TNR: variants seen among roughly 807,000 people sequenced by gnomAD.
TNR encodes the protein tenascin R.
Under a neutral mutation model 150.4 loss-of-function variants are expected in TNR, and 45 were observed. The observed-to-expected ratio is 0.30, with a 90% CI of 0.24 to 0.38. The LOEUF is 0.38. Ranked by LOEUF, TNR falls within the 10% of genes least tolerant of loss-of-function variation. The probability of loss-of-function intolerance (pLI) is 1.00; values close to 1 mark genes in which losing one functional copy is unlikely to be tolerated. For missense variants in TNR, 1,544 were observed against 1,759.1 expected (o/e 0.88, Z 2.19); for synonymous variants, 687 against 678.4 (o/e 1.01, Z -0.20).
intron 1 of TNR, among the ~76,000 whole-genome samples, chr1:175,574,502 C>T (rs1662022933): frequency 6.6e-6 from 1 of 152,204 alleles, no homozygotes; most frequent in African/African-American, 2.4e-5. Flanking sequence ...AAACATGACA[C>T]TGATTAACTG....
intron 2 of TNR, among the ~76,000 whole-genome samples, chr1:175,436,467 T>G (rs1655515440): frequency 6.6e-6 from 1 of 152,182 alleles, no homozygotes; most frequent in Non-Finnish European, 1.5e-5. Context: ...TGTAGTTCTC[T>G]TGCCTTGGTT....
chr1:175,322,052 A>T lies in TNR; in HGVS notation c.*1305T>A, dbSNP rs1375477491. ...AAAAAAAGAATCTGTGACAAATAGG[A>T]CCAGAAATGGAGAAAACAGGGCTAG... On this transcript the variant is annotated 3_prime_UTR_variant, in exon 23 of 23. Transcript: ENST00000367674. 6.6e-6 allele frequency: 1 copy of T among 152,234 alleles called. No individual in the cohort carries two copies. Among genetic ancestry groups the T allele is most frequent in the African/African-American group, 2.4e-5 (1 of 41,456 alleles). 9.4% of individuals were successfully genotyped at this position (152,234 alleles called of 1,614,324 possible).
At chr1:175,346,186 T>C (rs1473372356) in intron 18 of TNR, among the ~76,000 whole-genome samples, 1 of 152,138 alleles carries the variant, frequency 6.6e-6, no homozygotes, top group Non-Finnish European at 1.5e-5. Flanking sequence ...AGAACACAAA[T>C]AAGAGTGACA....
intron 2 of TNR, among the ~76,000 whole-genome samples, chr1:175,502,902 C>T (rs1351960929): frequency 2.0e-5 from 3 of 151,348 alleles, no homozygotes; most frequent in African/African-American, 7.4e-5. Flanking sequence ...TGGATGGACC[C>T]CCTAGACGAA....
intron 1 of TNR, among the ~76,000 whole-genome samples, chr1:175,692,837 T>C (rs919096370): frequency 2.6e-5 from 4 of 152,180 alleles, no homozygotes; most frequent in Admixed American, 2.6e-4. Flanking sequence ...TTGTTACACA[T>C]TGTTATGTGA....
intron 1 of TNR, among the ~76,000 whole-genome samples, chr1:175,534,447 C>T (rs569386419): frequency 6.6e-6 from 1 of 152,230 alleles, no homozygotes. Context: ...TTGTATCACA[C>T]CTCCTAGATT....
intron 2 of TNR, among the ~76,000 whole-genome samples, chr1:175,451,365 T>C (rs1447735286): frequency 6.6e-6 from 1 of 152,018 alleles, no homozygotes; most frequent in Non-Finnish European, 1.5e-5. Context: ...TGCTTTCCCT[T>C]CCCCCTTCCC....
chr1:175,611,156 G>T (rs558703653), intron 1 of TNR, among the ~76,000 whole-genome samples: 2 of 152,074 alleles, frequency 1.3e-5, no homozygotes, highest in African/African-American at 2.4e-5. Context: ...AATTTAACCC[G>T]TTCCTTCATT....
intron 21 of TNR, among the ~76,000 whole-genome samples, chr1:175,327,839 G>T (rs906525870): frequency 6.6e-5 from 10 of 152,186 alleles, no homozygotes; most frequent in Non-Finnish European, 1.5e-4. Context: ...CAGATGCAGT[G>T]GCTCACACCT....
chr1:175,332,671 A>T (rs1219046463), intron 20 of TNR, among the ~76,000 whole-genome samples: 2 of 152,040 alleles, frequency 1.3e-5, no homozygotes, highest in African/African-American at 4.8e-5. Context: ...CCTCACTGGG[A>T]TTGGGTTTCC....
chr1:175,338,877 C>T (rs1363474993), intron 18 of TNR, among the ~76,000 whole-genome samples: 1 of 152,132 alleles, frequency 6.6e-6, no homozygotes, highest in Non-Finnish European at 1.5e-5. Flanking sequence ...ATGGAAGGCC[C>T]CCCTGGAGAT....
intron 1 of TNR, among the ~76,000 whole-genome samples, chr1:175,561,098 C>A (rs547358795): frequency 1.3e-5 from 2 of 152,168 alleles, no homozygotes; most frequent in African/African-American, 4.8e-5. Flanking sequence ...TTGTCTCTGG[C>A]ATTTTTCTAG....
chr1:175,400,657 G>A lies in TNR; in HGVS notation c.976+2483C>T, dbSNP rs756787763. On this transcript the variant is annotated intron_variant, in intron 4 of 22. Transcript: ENST00000367674. ...ATGGGCAGCTATTTTCTACGCCCTT[G>A]CCAAAGAGAAAAGAATGCCCTATAA... Among the ~76,000 whole-genome samples the A allele has an allele frequency of 6.2e-4, 95 of 152,280 alleles. 1 individual carries two copies. The highest frequency in any genetic ancestry group is 7.8e-4 in the Admixed American group (12 of 15,294).
intron 4 of TNR, 102 bp downstream of exon 4, chr1:175,403,038 A>T: frequency 8.0e-6 from 8 of 999,184 alleles, no homozygotes; most frequent in Admixed American, 4.3e-5. Flanking sequence ...TTTTGCCTAA[A>T]CTTCACTTTC....
In TNR at chr1:175,505,307, TC is replaced by T. The variant is rs368472040; in HGVS notation, c.-64+22961del. On this transcript the variant is annotated intron_variant, in intron 2 of 22. Coordinates refer to ENST00000367674, the MANE Select transcript of TNR (RefSeq NM_003285.3). ...TTTCCCACTGGGCTTATCTCGGGCT[TC>T]CCCCGGCGAGGCAGGAGCGGGACTG... is the stretch of plus-strand genomic sequence containing the variant. 4.4e-4 allele frequency among the ~76,000 whole-genome samples: 67 copies of T among 152,226 alleles called. 1 individual carries two copies. The East Asian group carries it at 7.9e-3, about 18-fold the overall frequency.
intron 2 of TNR, among the ~76,000 whole-genome samples, chr1:175,493,564 G>A (rs372015145): frequency 1.3e-5 from 2 of 152,240 alleles, no homozygotes; most frequent in Admixed American, 1.3e-4. Flanking sequence ...AGGAAGCAGC[G>A]GCTAGCTTTC....
chr1:175,741,845 T>C (rs888328011), intron 1 of TNR, among the ~76,000 whole-genome samples: 2 of 152,178 alleles, frequency 1.3e-5, no homozygotes, highest in Admixed American at 6.5e-5. Context: ...CTAGGGTCCA[T>C]TTGGGGTTGG....
At chr1:175,662,647 A>T (rs1665413757) in intron 1 of TNR, among the ~76,000 whole-genome samples, 1 of 152,204 alleles carries the variant, frequency 6.6e-6, no homozygotes, top group Non-Finnish European at 1.5e-5. Flanking sequence ...ACTGTGATGC[A>T]AACAGAATGG....
At chr1:175,446,368 C>T (rs952942579) in intron 2 of TNR, among the ~76,000 whole-genome samples, 4 of 152,162 alleles carry the variant, frequency 2.6e-5, no homozygotes, top group East Asian at 1.9e-4. Context: ...ATTGTTCCAT[C>T]CACAAAATGG....
Sources: gnomAD v4.1 joint callset for allele counts (sites outside exome capture counted in the v4.1 genomes callset) on GRCh38, gnomAD v4.1.1 for gene constraint, MANE v1.5 for transcripts, NCBI Gene and HGNC (gene_info 2026-07-23, HGNC 2026-07-21) for gene names.